The following SKAP1 variants were observed in gnomAD, a reference collection of about 807,000 sequenced individuals.
The protein encoded by SKAP1 is src kinase-associated phosphoprotein 1.
In SKAP1, 44 loss-of-function variants were observed where a neutral mutation model predicts 58.5. That is an observed-to-expected ratio of 0.75 (90% CI 0.59 to 0.97). The LOEUF is 0.97. Among genes scored for constraint, SKAP1 ranks in the 50% least tolerant of loss-of-function variants. The pLI is 0.00. For missense variants in SKAP1, 390 were observed against 435.2 expected (o/e 0.90, Z 0.92); for synonymous variants, 127 against 149.7 (o/e 0.85, Z 1.11).
intron 4 of SKAP1, among the ~76,000 whole-genome samples, chr17:48,225,992 T>C (rs1304969903): frequency 1.3e-5 from 2 of 152,134 alleles, no homozygotes; most frequent in African/African-American, 4.8e-5. Context: ...AACAAGGCGG[T>C]TAGTACAACA....
At chr17:48,375,304 G>A (rs1187267676) in intron 2 of SKAP1, among the ~76,000 whole-genome samples, 1 of 147,142 alleles carries the variant, frequency 6.8e-6, no homozygotes, top group Non-Finnish European at 1.5e-5. Context: ...GAGATTGACA[G>A]TATAACTCAT....
intron 4 of SKAP1, chr17:48,307,347 A>C (rs1025547184): frequency 7.2e-5 from 11 of 152,274 alleles, no homozygotes; most frequent in African/African-American, 2.7e-4. Flanking sequence ...GAAAAGAGAG[A>C]GAAAGGGAGA....
At chr17:48,424,172 T>C (rs1006223978) in intron 1 of SKAP1, among the ~76,000 whole-genome samples, 2 of 151,978 alleles carry the variant, frequency 1.3e-5, no homozygotes, top group African/African-American at 4.8e-5. Context: ...TAGCACCTTT[T>C]AACTGTGTCC....
chr17:48,441,954 C>T, the SKAP1 span, among the ~76,000 whole-genome samples: 1 of 152,164 alleles, frequency 6.6e-6, no homozygotes, highest in Non-Finnish European at 1.5e-5. Flanking sequence ...GATCCCTTTA[C>T]AGCATTTAAC....
At chr17:48,179,434 A>G (rs1443641336) in intron 9 of SKAP1, among the ~76,000 whole-genome samples, 2 of 152,188 alleles carry the variant, frequency 1.3e-5, no homozygotes, top group African/African-American at 2.4e-5. Context: ...TTGAGATGCT[A>G]GTTTTCATGC....
At chr17:48,442,084 T>G in the SKAP1 span, among the ~76,000 whole-genome samples, 1 of 152,170 alleles carries the variant, frequency 6.6e-6, no homozygotes, top group South Asian at 2.1e-4. Flanking sequence ...TGCACTGAAG[T>G]TCCTTTTAGT....
intron 4 of SKAP1, among the ~76,000 whole-genome samples, chr17:48,237,781 T>C (rs999392572): frequency 1.3e-5 from 2 of 152,136 alleles, no homozygotes; most frequent in Non-Finnish European, 2.9e-5. Context: ...AAATGCTAGT[T>C]GTGCAAGAGA....
At chr17:48,428,620 T>C (rs2067877811) in intron 1 of SKAP1, among the ~76,000 whole-genome samples, 1 of 152,224 alleles carries the variant, frequency 6.6e-6, no homozygotes, top group Admixed American at 6.5e-5. Flanking sequence ...TTAATAAGCT[T>C]ATAAAATAGG....
At chr17:48,238,532 T>C (rs1200858837) in intron 4 of SKAP1, among the ~76,000 whole-genome samples, 1 of 152,014 alleles carries the variant, frequency 6.6e-6, no homozygotes, top group African/African-American at 2.4e-5. Context: ...CCTGAGTAGC[T>C]GGGACCACAG....
chr17:48,158,853 G>C (rs966727944), intron 11 of SKAP1, among the ~76,000 whole-genome samples: 99 of 151,782 alleles, frequency 6.5e-4, no homozygotes, highest in African/African-American at 2.2e-3. Context: ...CCAGCTACTC[G>C]GGAGGCTGAG....
intron 4 of SKAP1, among the ~76,000 whole-genome samples, chr17:48,272,835 G>A (rs1198151443): frequency 6.6e-6 from 1 of 152,230 alleles, no homozygotes; most frequent in Non-Finnish European, 1.5e-5. Flanking sequence ...GGGATTACAG[G>A]TGTGAGCCAC....
chr17:48,305,639 A>G (rs868474822), intron 4 of SKAP1, among the ~76,000 whole-genome samples: 1 of 152,206 alleles, frequency 6.6e-6, no homozygotes, highest in African/African-American at 2.4e-5. Flanking sequence ...GGGAACAATA[A>G]TGGTACTTAT....
intron 4 of SKAP1, among the ~76,000 whole-genome samples, chr17:48,318,349 G>A (rs1352907132): frequency 6.6e-6 from 1 of 152,160 alleles, no homozygotes; most frequent in Non-Finnish European, 1.5e-5. Flanking sequence ...ACCCAAAGCA[G>A]GAGGCTGGCT....
intron 4 of SKAP1, among the ~76,000 whole-genome samples, chr17:48,212,039 AC>A (rs1431279291): frequency 6.6e-6 from 1 of 150,768 alleles, no homozygotes; most frequent in Admixed American, 6.7e-5. Context: ...GCAGCCACGA[AC>A]CCAGAACTGG....
chr17:48,350,066 T>C (rs1567878247), intron 3 of SKAP1, among the ~76,000 whole-genome samples: 1 of 152,170 alleles, frequency 6.6e-6, no homozygotes, highest in Non-Finnish European at 1.5e-5. Context: ...TGAACCATGA[T>C]GATGTTCCCC....
intron 2 of SKAP1, among the ~76,000 whole-genome samples, chr17:48,384,893 G>C (rs1169188863): frequency 6.6e-6 from 1 of 152,224 alleles, no homozygotes; most frequent in Non-Finnish European, 1.5e-5. Context: ...CACAGGGGAA[G>C]CTGTGGAGCT....
At chr17:48,347,095 G>A (rs983568540) in intron 3 of SKAP1, among the ~76,000 whole-genome samples, 1 of 152,204 alleles carries the variant, frequency 6.6e-6, no homozygotes, top group Non-Finnish European at 1.5e-5. Flanking sequence ...GGTTCAGACA[G>A]AAGATGTTAG....
intron 3 of SKAP1, among the ~76,000 whole-genome samples, chr17:48,350,385 A>C (rs928848963): frequency 6.6e-6 from 1 of 152,192 alleles, no homozygotes; most frequent in African/African-American, 2.4e-5. Context: ...CCAACTGTTT[A>C]TATGGCGTGG....
At position 48,194,267 on chromosome 17, in the gene SKAP1, C is replaced by A. The variant is rs545771492; in HGVS notation, c.281-4767G>T. Among the ~76,000 whole-genome samples the A allele has an allele frequency of 5.9e-5, 9 of 152,246 alleles. No individual in the cohort carries two copies. The East Asian group carries it at 1.2e-3, about 20-fold the overall frequency. ...GAAGATAAAAGAAATTCTCAGATAT[C>A]TTTCTCTTCATCTAGTTTCCTTTAA... On this transcript the variant is annotated intron_variant, in intron 4 of 12. Coordinates refer to ENST00000336915, the MANE Select transcript of SKAP1 (RefSeq NM_003726.4).
Sources: gnomAD v4.1 joint callset for allele counts (sites outside exome capture counted in the v4.1 genomes callset) on GRCh38, gnomAD v4.1.1 for gene constraint, MANE v1.5 for transcripts, NCBI Gene and HGNC (gene_info 2026-07-23, HGNC 2026-07-21) for gene names.